Variants in ZNF839 observed in about 807,000 individuals in gnomAD.
ZNF839 encodes the protein zinc finger protein 839.
A neutral mutation model predicts 56.4 loss-of-function variants in ZNF839; 38 were observed. The ratio of observed to expected loss-of-function variants is 0.67; its 90% CI spans 0.52 to 0.88. ZNF839 has a LOEUF of 0.88. ZNF839 is among the 40% of genes least tolerant of loss of function. The pLI is 0.00. For synonymous variants in ZNF839, 486 were observed against 493.5 expected (o/e 0.98, Z 0.20); for missense variants, 1,091 against 1,177.6 (o/e 0.93, Z 1.08).
intron 4 of ZNF839, chr14:102,335,262 C>G (rs2073963428): frequency 6.2e-6 from 1 of 160,966 alleles, no homozygotes; most frequent in Non-Finnish European, 1.3e-5. Flanking sequence ...TAATGGCTAT[C>G]CTGGGCTCTC....
Position 102,319,915 on chromosome 14 carries a change from G to A in ZNF839, c.150G>A (p.Lys50=). 8.0e-7 allele frequency: 1 copy of A among 1,248,582 alleles called. No homozygotes were observed. Among genetic ancestry groups the A allele is most frequent in the South Asian group, 2.5e-5 (1 of 40,536 alleles). 77.3% of individuals were successfully genotyped at this position (1,248,582 alleles called of 1,614,324 possible). The change falls in exon 1 of 8, where the codon AAG becomes AAA. Residue 50 remains lysine (K), a synonymous_variant. Transcript: ENST00000442396. The surrounding 1 kb of genome is among the most constrained non-coding windows in gnomAD (Gnocchi z 4.5). ...QLRQVLEQVT[K]AQPPPPPPPF... The stretch of plus-strand genomic sequence containing the variant: ...GGCAGGTCCTGGAGCAGGTGACGAA[G>A]GCGCAGCCGCCGCCGCCGCCGCCCC...
At position 102,341,942 on chromosome 14, in the gene ZNF839, T is replaced by A. The variant is rs1261919156; in HGVS notation, c.2547T>A (p.Cys849Ter). The A allele has an allele frequency of 6.2e-7, 1 of 1,613,850 alleles. No individual in the cohort carries two copies. The highest frequency in any genetic ancestry group is 8.5e-7 in the Non-Finnish European group (1 of 1,179,882). ...CGGGGGACTTGAACCGGTTCCCCTG[T>A]GGGATGGAGGTGCACTCTGGCCAGA... ...SLSGDLNRFPCGMEVHSGQRE... is the reference protein window; with the variant it reads ...SLSGDLNRFP Residue 849 changes from cysteine to a stop codon, truncating the protein, a stop_gained, in exon 8 of 8, where the codon TGT (cysteine) becomes TGA (stop). Transcript: ENST00000442396. LOFTEE classifies it low-confidence loss of function (END_TRUNC).
intron 7 of ZNF839, 30 bp downstream of exon 7, chr14:102,339,253 A>G: frequency 1.2e-6 from 2 of 1,602,848 alleles, no homozygotes; most frequent in East Asian, 2.2e-5. Context: ...TGTGGGGTGT[A>G]TCCATGGCCT....
intron 1 of ZNF839, among the ~76,000 whole-genome samples, chr14:102,323,851 G>A: frequency 6.6e-6 from 1 of 152,108 alleles, no homozygotes; most frequent in Non-Finnish European, 1.5e-5. Flanking sequence ...GGAGACTGGT[G>A]TACTCATACT....
upstream of ZNF839, among the ~76,000 whole-genome samples, chr14:102,318,166 G>T (rs1188623979): frequency 6.6e-6 from 1 of 152,232 alleles, no homozygotes; most frequent in African/African-American, 2.4e-5. Context: ...ATAGACATCT[G>T]TACACAGGAT....
At chr14:102,324,122 G>C (rs1219956533) in intron 1 of ZNF839, among the ~76,000 whole-genome samples, 1 of 152,200 alleles carries the variant, frequency 6.6e-6, no homozygotes, top group Non-Finnish European at 1.5e-5. Context: ...TGTGCAGTAG[G>C]AAGCTGGGTA....
intron 2 of ZNF839, among the ~76,000 whole-genome samples, chr14:102,327,630 C>T (rs903187782): frequency 7.9e-5 from 12 of 152,312 alleles, no homozygotes; most frequent in Admixed American, 7.2e-4. Context: ...CCAGTTCCTG[C>T]CCCTGCCTGC....
intron 3 of ZNF839, among the ~76,000 whole-genome samples, chr14:102,334,198 G>T (rs1188556641): frequency 6.6e-6 from 1 of 152,186 alleles, no homozygotes; most frequent in East Asian, 1.9e-4. Flanking sequence ...AGCCCTTCTG[G>T]CCTGCCCGTC....
intron 2 of ZNF839, among the ~76,000 whole-genome samples, chr14:102,328,101 T>A (rs1371540754): frequency 6.6e-6 from 1 of 151,746 alleles, no homozygotes; most frequent in African/African-American, 2.4e-5. Flanking sequence ...ACACCTGTAA[T>A]CCCAGCACTT....
At chr14:102,327,835 G>A (rs981745389) in intron 2 of ZNF839, among the ~76,000 whole-genome samples, 7 of 152,122 alleles carry the variant, frequency 4.6e-5, no homozygotes, top group Admixed American at 2.0e-4. Context: ...GAATGCATCC[G>A]TCAGCTCTAG....
intron 1 of ZNF839, among the ~76,000 whole-genome samples, chr14:102,324,821 G>A (rs369259695): frequency 1.3e-5 from 2 of 151,808 alleles, no homozygotes; most frequent in African/African-American, 2.4e-5. Flanking sequence ...GTGGTGGTAC[G>A]TGCCTGTAAT....
rs2073973028 is a variant in ZNF839 at position 102,335,444 on chromosome 14, C to T, written c.1510-245C>T. The T allele has an allele frequency of 2.0e-5, 9 of 455,558 alleles. No individual in the cohort carries two copies. In the South Asian group the frequency reaches 2.0e-4, roughly 10 times the overall value. The allele number at this position is 455,558 out of a possible 1,614,324, so 28.2% of individuals were successfully genotyped here. A position where few individuals can be genotyped will look rare whatever the true frequency, so the allele number is the denominator to read the frequency against. On this transcript the variant is annotated intron_variant, in intron 4 of 7. Coordinates refer to ENST00000442396, the MANE Select transcript of ZNF839 (RefSeq NM_018335.6). ...CCTTCCCACCCTGTCCAGGAGCTCACCCATGCCCTACATGGCCCCCACCCA... is the reference window on the plus strand; with the variant it reads ...CCTTCCCACCCTGTCCAGGAGCTCATCCATGCCCTACATGGCCCCCACCCA...
chr14:102,327,376 G>T (rs2073473271), intron 2 of ZNF839, among the ~76,000 whole-genome samples: 1 of 151,812 alleles, frequency 6.6e-6, no homozygotes, highest in Non-Finnish European at 1.5e-5. Context: ...CCTGACCTCA[G>T]GTGATCTGCC....
chr14:102,319,829 G>A lies in ZNF839; in HGVS notation c.64G>A (p.Ala22Thr). ...SEDGGGGGGP[A>T]PPGQSGSVAR... ...GGATGGCGGCGGCGGCGGCGGCCCG[G>A]CTCCTCCGGGCCAGAGCGGCAGCGT... is the stretch of plus-strand genomic sequence containing the variant. Residue 22 changes from alanine (A) to threonine (T), a missense_variant, in exon 1 of 8, where the codon GCT becomes ACT. Coordinates refer to ENST00000442396, the MANE Select transcript of ZNF839 (RefSeq NM_018335.6). The surrounding 1 kb of genome is among the most constrained non-coding windows in gnomAD (Gnocchi z 4.5). The A allele has an allele frequency of 8.1e-7, 1 of 1,231,848 alleles. No individual in the cohort carries two copies. Among genetic ancestry groups the A allele is most frequent in the Non-Finnish European group, 1.0e-6 (1 of 988,558 alleles). The allele number at this position is 1,231,848 out of a possible 1,614,324, so 76.3% of individuals were successfully genotyped here.
Position 102,319,941 on chromosome 14 carries a change from C to T in ZNF839, c.176C>T (p.Pro59Leu), listed in dbSNP as rs1042883265. The T allele has an allele frequency of 8.3e-6, 10 of 1,197,716 alleles. No homozygotes were observed. The highest frequency in any genetic ancestry group is 4.2e-5 in the East Asian group (1 of 24,060). 74.2% of individuals were successfully genotyped at this position (1,197,716 alleles called of 1,614,324 possible). Residue 59 changes from proline (P) to leucine (L), a missense_variant, in exon 1 of 8, where the codon CCC becomes CTC. Coordinates refer to ENST00000442396, the MANE Select transcript of ZNF839 (RefSeq NM_018335.6). This position sits in a 1 kb window ranked among gnomAD's most constrained non-coding sequence, Gnocchi z 4.5. ...GCGCAGCCGCCGCCGCCGCCGCCCC[C>T]CTTCGTGCTGCGGGACGCGGCGCGG... The part of the protein sequence containing the change: ...TKAQPPPPPP[P>L]FVLRDAARRL...
chr14:102,327,006 T>C (rs1255578632), intron 2 of ZNF839, 119 bp downstream of exon 2: 2 of 1,163,908 alleles, frequency 1.7e-6, no homozygotes, highest in African/African-American at 3.1e-5. Context: ...TTCCATAGAC[T>C]GTACAGGAAG....
At chr14:102,327,264 GC>G (rs2139492711) in intron 2 of ZNF839, among the ~76,000 whole-genome samples, 1 of 151,942 alleles carries the variant, frequency 6.6e-6, no homozygotes, top group South Asian at 2.1e-4. Context: ...CCTCAGCCTC[GC>G]AAGTAGCTGG....
chr14:102,336,733 CT>C (rs369596864), intron 5 of ZNF839: 34,497 of 281,896 alleles, frequency 0.12, 8 homozygotes, highest in South Asian at 0.21. Flanking sequence ...TCATTTTCTT[CT>C]TTTTTTTTTT....
At chr14:102,328,120 C>T (rs1264249831) in intron 2 of ZNF839, among the ~76,000 whole-genome samples, 2 of 151,438 alleles carry the variant, frequency 1.3e-5, no homozygotes, top group South Asian at 4.2e-4. Context: ...TTTGGGAGGC[C>T]GAGGTGGGCG....
Sources: allele counts gnomAD v4.1 joint callset (sites outside exome capture counted in the v4.1 genomes callset), GRCh38; gene constraint gnomAD v4.1.1; non-coding constraint Gnocchi (gnomAD v3.1); transcripts MANE v1.5; gene names NCBI Gene and HGNC (gene_info 2026-07-23, HGNC 2026-07-21).